Variants in HGD observed in about 807,000 individuals in gnomAD.
HGD encodes the protein homogentisate 1,2-dioxygenase, also known as homogentisate oxidase.
A neutral mutation model predicts 60.8 loss-of-function variants in HGD; 61 were observed. That is an observed-to-expected ratio of 1.00 (90% CI 0.82 to 1.24). The LOEUF (loss-of-function observed/expected upper bound fraction) is 1.24. HGD is among the 50% of genes most tolerant of loss of function. The pLI is 0.00. For synonymous variants in HGD, 212 were observed against 187.7 expected (o/e 1.13, Z -1.06); for missense variants, 542 against 547.1 (o/e 0.99, Z 0.09).
chr3:120,643,142 G>T (rs993151518), intron 10 of HGD, among the ~76,000 whole-genome samples: 13 of 151,836 alleles, frequency 8.6e-5, no homozygotes, highest in African/African-American at 3.1e-4. Context: ...CATTTTTTTT[G>T]AGAGGGAGTC....
intron 1 of HGD, among the ~76,000 whole-genome samples, chr3:120,677,489 T>C (rs1708153588): frequency 6.6e-6 from 1 of 152,166 alleles, no homozygotes; most frequent in African/African-American, 2.4e-5. Flanking sequence ...CTCCCAGGCT[T>C]ATTAGGAAGA....
chr3:120,636,969 C>T (rs929545161), intron 12 of HGD, among the ~76,000 whole-genome samples: 8 of 151,986 alleles, frequency 5.3e-5, no homozygotes, highest in African/African-American at 1.7e-4. Context: ...AGAGTCTTTC[C>T]AGAACTCTAT....
At chr3:120,658,006 C>G (rs916527232) in intron 4 of HGD, among the ~76,000 whole-genome samples, 2 of 152,086 alleles carry the variant, frequency 1.3e-5, no homozygotes, top group African/African-American at 2.4e-5. Flanking sequence ...CCTGCCAGGC[C>G]CCACCTCCAA....
At chr3:120,656,896 G>A (rs1328430244) in intron 4 of HGD, among the ~76,000 whole-genome samples, 1 of 152,150 alleles carries the variant, frequency 6.6e-6, no homozygotes, top group Non-Finnish European at 1.5e-5. Flanking sequence ...GCGATGTCTA[G>A]AAAATCAAAT....
At chr3:120,629,769 C>T (rs113914658) in intron 13 of HGD, among the ~76,000 whole-genome samples, 2 of 152,160 alleles carry the variant, frequency 1.3e-5, no homozygotes, top group South Asian at 2.1e-4. Context: ...TCTTAGAAGT[C>T]GTGGCAAAGA....
intron 12 of HGD, among the ~76,000 whole-genome samples, chr3:120,637,644 A>T (rs942784950): frequency 4.0e-5 from 6 of 151,824 alleles, no homozygotes; most frequent in Non-Finnish European, 8.8e-5. Context: ...CTCTCTTCTT[A>T]TTTCTCTGGT....
intron 13 of HGD, 32 bp downstream of exon 13, chr3:120,633,115 G>C: frequency 6.2e-7 from 1 of 1,607,910 alleles, no homozygotes; most frequent in Non-Finnish European, 8.5e-7. Flanking sequence ...GGAGTTCAGA[G>C]GCCGCTGGAA....
intron 12 of HGD, chr3:120,633,687 T>G (rs974951355): frequency 4.2e-6 from 4 of 946,014 alleles, no homozygotes; most frequent in Admixed American, 2.4e-5. Flanking sequence ...ACGAGCCCTG[T>G]ATCAAAGTTA....
rs752719362 is a variant in HGD at position 120,638,541 on chromosome 3, C to T, written c.920G>A (p.Arg307His). ...IFTVLTAKSV[R>H]PGVAIADFVI... ...AAAATCAGCAATGGCCACTCCAGGGCGGACAGACTTAGCAGTCAATACTGT... is the reference window on the plus strand; with the variant it reads ...AAAATCAGCAATGGCCACTCCAGGGTGGACAGACTTAGCAGTCAATACTGT... Residue 307 changes from arginine to histidine, a missense_variant, in exon 12 of 14, where the codon CGC (arginine) becomes CAC (histidine). By Grantham distance (29) the Arg-to-His change is conservative. This residue lies in a region of HGD where 537 missense variants were observed against 529.1 expected (regional missense o/e 1.01). Coordinates refer to ENST00000283871, the MANE Select transcript of HGD (RefSeq NM_000187.4). The T allele has an allele frequency of 3.7e-5, 60 of 1,613,828 alleles. No individual in the cohort carries two copies. The highest frequency in any genetic ancestry group is 2.5e-4 in the South Asian group (23 of 91,064).
At chr3:120,659,672 T>C (rs1172836874) in intron 4 of HGD, among the ~76,000 whole-genome samples, 6 of 152,224 alleles carry the variant, frequency 3.9e-5, no homozygotes, top group Admixed American at 6.5e-5. Flanking sequence ...AGTTCCAAAG[T>C]CACTTCCACA....
intron 10 of HGD, among the ~76,000 whole-genome samples, chr3:120,643,176 T>G (rs1217274183): frequency 6.6e-6 from 1 of 152,074 alleles, no homozygotes; most frequent in East Asian, 1.9e-4. Context: ...CGGGCTGGAG[T>G]GCAATGGCAT....
At chr3:120,641,940 C>T (rs1046122146) in intron 10 of HGD, 8 of 518,682 alleles carry the variant, frequency 1.5e-5, no homozygotes, top group Non-Finnish European at 2.5e-5. Flanking sequence ...ACACATGCAG[C>T]AGAAACACAG....
chr3:120,648,279 A>G (rs1941225581), intron 6 of HGD, among the ~76,000 whole-genome samples: 1 of 152,248 alleles, frequency 6.6e-6, no homozygotes, highest in African/African-American at 2.4e-5. Context: ...AAAGGAAAGA[A>G]TGTTCCAGGC....
At chr3:120,662,837 C>G (rs1455125335) in intron 4 of HGD, among the ~76,000 whole-genome samples, 1 of 152,098 alleles carries the variant, frequency 6.6e-6, no homozygotes, top group African/African-American at 2.4e-5. Flanking sequence ...AACTCCTAAC[C>G]CCCTGTATTT....
At chr3:120,681,791 T>G (rs539438079) in intron 1 of HGD, among the ~76,000 whole-genome samples, 33 of 152,240 alleles carry the variant, frequency 2.2e-4, no homozygotes, top group African/African-American at 6.3e-4. Flanking sequence ...GAAAAAGACA[T>G]AGAGAGAAAC....
chr3:120,633,513 C>A lies in HGD; in HGVS notation c.1007-185G>T. 9.3e-6 allele frequency: 14 copies of A among 1,509,470 alleles called. No homozygotes were observed. The South Asian group carries it at 1.7e-4, about 18-fold the overall frequency. The allele number at this position is 1,509,470 out of a possible 1,614,324, so 93.5% of individuals were successfully genotyped here. A position where few individuals can be genotyped will look rare whatever the true frequency, so the allele number is the denominator to read the frequency against. ...AAAACATTCATATTGGCATTCTTGG[C>A]AGGCACAGCTCTACTCCATGGCCAT... is the stretch of plus-strand genomic sequence containing the variant. On this transcript the variant is annotated intron_variant, in intron 12 of 13. Transcript: ENST00000283871.
At chr3:120,673,558 T>C (rs1367028951) in intron 3 of HGD, among the ~76,000 whole-genome samples, 1 of 152,186 alleles carries the variant, frequency 6.6e-6, no homozygotes, top group East Asian at 1.9e-4. Flanking sequence ...CCCCTGATTT[T>C]TGACATGTAT....
At chr3:120,676,884 A>G (rs1708141316) in intron 1 of HGD, among the ~76,000 whole-genome samples, 1 of 152,192 alleles carries the variant, frequency 6.6e-6, no homozygotes, top group Non-Finnish European at 1.5e-5. Context: ...TGGGACTCCA[A>G]ACGGAGGGAT....
At chr3:120,646,640 C>T (rs369368509) in intron 8 of HGD, among the ~76,000 whole-genome samples, 6 of 151,348 alleles carry the variant, frequency 4.0e-5, no homozygotes, top group African/African-American at 1.5e-4. Context: ...TAATGGTAAG[C>T]CTGATTTAGC....
Sources: allele counts gnomAD v4.1 joint callset (sites outside exome capture counted in the v4.1 genomes callset), GRCh38; gene constraint gnomAD v4.1.1; regional missense constraint gnomAD v4.1.1; transcripts MANE v1.5; gene names NCBI Gene and HGNC (gene_info 2026-07-23, HGNC 2026-07-21).